The following KANSL1 variants were observed in gnomAD, a reference collection of about 807,000 sequenced individuals.
KANSL1 encodes the protein KAT8 regulatory NSL complex subunit 1.
In KANSL1, 22 loss-of-function variants were observed where a neutral mutation model predicts 103.6. The observed-to-expected ratio is 0.21, with a 90% confidence interval of 0.15 to 0.30. KANSL1 has a LOEUF of 0.30. Ranked by LOEUF, KANSL1 falls within the 10% of genes least tolerant of loss-of-function variation. The pLI is 1.00. For missense variants in KANSL1, 1,337 were observed against 1,399.8 expected (o/e 0.96, Z 0.72); for synonymous variants, 600 against 527.6 (o/e 1.14, Z -1.88).
intron 1 of KANSL1, chr17:46,215,279 G>C (rs1276066249): frequency 6.6e-6 from 1 of 152,520 alleles, no homozygotes; most frequent in Non-Finnish European, 1.5e-5. Flanking sequence ...GAACAACAGG[G>C]TTCACAGAAG....
At chr17:46,141,227 T>C (rs2044404709) in intron 2 of KANSL1, among the ~76,000 whole-genome samples, 1 of 152,220 alleles carries the variant, frequency 6.6e-6, no homozygotes, top group African/African-American at 2.4e-5. Context: ...CCTGTGAGTG[T>C]ACACAACAAG....
intron 2 of KANSL1, among the ~76,000 whole-genome samples, chr17:46,105,941 A>C (rs890284418): frequency 2.4e-4 from 18 of 76,344 alleles, no homozygotes; most frequent in Non-Finnish European, 4.4e-4. Context: ...ACACACACAC[A>C]CACACACCCC....
rs2043204277 is a variant in KANSL1, at chr17:46,119,839, C to CTT, written c.1290-25140_1290-25139dup. The CTT allele has an allele frequency of 3.9e-5, 6 of 152,236 alleles. No homozygotes were observed. In the South Asian group the frequency reaches 1.2e-3, roughly 31 times the overall value. The allele number at this position is 152,236 out of a possible 1,614,324, so 9.4% of individuals were successfully genotyped here. A position where few individuals can be genotyped will look rare whatever the true frequency, so the allele number is the denominator to read the frequency against. On this transcript the variant is annotated intron_variant, in intron 2 of 14. Coordinates refer to ENST00000432791, the MANE Select transcript of KANSL1 (RefSeq NM_015443.4). ...ATTGACCTAAATGTCCTTATTCACC[C>CTT]TTCACCTGGCCTCTAAAATGCCTAG...
At chr17:46,172,611 ATAAT>A (rs1258886829) in intron 1 of KANSL1, among the ~76,000 whole-genome samples, 1 of 152,276 alleles carries the variant, frequency 6.6e-6, no homozygotes, top group African/African-American at 2.4e-5. Flanking sequence ...AAACTAAGCA[ATAAT>A]TAAACAGAAA....
rs1324460074 is a variant in KANSL1 at position 46,034,341 on chromosome 17, ATTCATCT to A, written c.2542-63_2542-57del. 4.8e-5 allele frequency: 77 copies of A among 1,592,770 alleles called. No individual in the cohort carries two copies. In the Middle Eastern group the frequency reaches 1.0e-3, roughly 21 times the overall value. On this transcript the variant is annotated intron_variant, in intron 10 of 14. Transcript: ENST00000432791. ...GGTACAATTTTACAGACATCAAATC[ATTCATCT>A]AAGAGTTAAAGCAGGATCACCAATA...
intron 2 of KANSL1, among the ~76,000 whole-genome samples, chr17:46,120,807 G>A (rs183564307): frequency 8.0e-4 from 122 of 152,240 alleles, no homozygotes; most frequent in African/African-American, 2.8e-3. Context: ...TTTGACAAAT[G>A]TAAAACATGT....
chr17:46,098,507 G>A (rs530229556), intron 2 of KANSL1, among the ~76,000 whole-genome samples: 44 of 152,292 alleles, frequency 2.9e-4, no homozygotes, highest in African/African-American at 1.1e-3. Context: ...ATTTTAGTTC[G>A]CAAGAACTTT....
chr17:46,116,655 T>C (rs2147151560), intron 2 of KANSL1, among the ~76,000 whole-genome samples: 1 of 152,336 alleles, frequency 6.6e-6, no homozygotes, highest in South Asian at 2.1e-4. Context: ...CTTGTGACTC[T>C]TCTGTCCAGC....
At chr17:46,212,466 A>G (rs2696466) in intron 1 of KANSL1, among the ~76,000 whole-genome samples, 59,705 of 151,566 alleles carry the variant, frequency 0.39, 11,894 homozygotes, top group Admixed American at 0.47. Context: ...TAATCCGCCC[A>G]CCTCGGCCTC....
intron 2 of KANSL1, among the ~76,000 whole-genome samples, chr17:46,157,627 T>C (rs926490543): frequency 6.6e-6 from 1 of 152,272 alleles, no homozygotes; most frequent in African/African-American, 2.4e-5. Flanking sequence ...GAATTCTCAA[T>C]TGAGAGGTCA....
intron 1 of KANSL1, among the ~76,000 whole-genome samples, chr17:46,216,026 C>T (rs1044574377): frequency 2.0e-5 from 3 of 151,998 alleles, no homozygotes; most frequent in African/African-American, 4.8e-5. Flanking sequence ...GGGGATAGAG[C>T]GAGACTCCGT....
intron 6 of KANSL1, among the ~76,000 whole-genome samples, chr17:46,052,908 G>A (rs2077764612): frequency 7.6e-6 from 1 of 131,156 alleles, no homozygotes; most frequent in African/African-American, 2.9e-5. Flanking sequence ...AGGTTATAGT[G>A]AGCCATGATT....
intron 4 of KANSL1, among the ~76,000 whole-genome samples, chr17:46,068,009 G>A (rs1263448614): frequency 6.6e-6 from 1 of 152,000 alleles, no homozygotes; most frequent in African/African-American, 2.4e-5. Context: ...CTTTTGCTTT[G>A]GGGGGAAGAG....
upstream of KANSL1, among the ~76,000 whole-genome samples, chr17:46,197,993 A>G (rs1345403902): frequency 6.6e-6 from 1 of 152,256 alleles, no homozygotes; most frequent in East Asian, 1.9e-4. Flanking sequence ...ATTATTATAT[A>G]TTAACTCAGG....
intron 10 of KANSL1, among the ~76,000 whole-genome samples, chr17:46,036,410 T>C (rs1484224450): frequency 1.3e-5 from 2 of 148,184 alleles, no homozygotes; most frequent in Non-Finnish European, 1.5e-5. Context: ...CAATTGTGGA[T>C]TGAAAATATT....
intron 6 of KANSL1, among the ~76,000 whole-genome samples, chr17:46,052,253 A>G (rs903167371): frequency 2.6e-5 from 4 of 152,216 alleles, no homozygotes; most frequent in African/African-American, 4.8e-5. Flanking sequence ...AAAAAATAAA[A>G]AGAGAGAGAC....
At chr17:46,191,220 T>C (rs997934275) in intron 1 of KANSL1, among the ~76,000 whole-genome samples, 3 of 152,176 alleles carry the variant, frequency 2.0e-5, no homozygotes, top group Non-Finnish European at 4.4e-5. Flanking sequence ...GGATTAAAAG[T>C]AAAAATTTTC....
chr17:46,112,934 T>C (rs962185775), intron 2 of KANSL1, among the ~76,000 whole-genome samples: 2 of 152,102 alleles, frequency 1.3e-5, no homozygotes, highest in Admixed American at 1.3e-4. Flanking sequence ...TTGGTCAGGG[T>C]GGTCTTGAAC....
chr17:46,047,009 G>T (rs1050314908), intron 7 of KANSL1, among the ~76,000 whole-genome samples: 2 of 151,778 alleles, frequency 1.3e-5, no homozygotes, highest in African/African-American at 4.9e-5. Context: ...GAAGCACAGA[G>T]GAAAATGTTT....
Sources: allele counts gnomAD v4.1 joint callset (sites outside exome capture counted in the v4.1 genomes callset), GRCh38; gene constraint gnomAD v4.1.1; transcripts MANE v1.5; gene names NCBI Gene and HGNC (gene_info 2026-07-23, HGNC 2026-07-21).